GGNBP2: variants seen among roughly 807,000 people sequenced by gnomAD.
GGNBP2 encodes the protein gametogenetin-binding protein 2.
Under a neutral mutation model 85.9 loss-of-function variants are expected in GGNBP2, and 10 were observed. The observed-to-expected ratio is 0.12, with a 90% CI of 0.07 to 0.20. The LOEUF (loss-of-function observed/expected upper bound fraction) is 0.20, where lower values mean the gene tolerates loss of function less well. Among genes scored for constraint, GGNBP2 ranks in the 10% least tolerant of loss-of-function variants. The pLI, the probability that GGNBP2 is intolerant of heterozygous loss-of-function variation, is 1.00. For synonymous variants in GGNBP2, 287 were observed against 285.7 expected, an observed-to-expected ratio of 1.00 and a Z score of -0.05; for missense variants, 595 against 857.8, an observed-to-expected ratio of 0.69 and a Z score of 3.83.
intron 2 of GGNBP2, among the ~76,000 whole-genome samples, chr17:36,552,281 T>C (rs2074317131): frequency 6.6e-6 from 1 of 152,246 alleles, no homozygotes. Flanking sequence ...TATGAGTTAA[T>C]TGAACTATTA....
intron 13 of GGNBP2, among the ~76,000 whole-genome samples, chr17:36,588,546 G>A (rs764650132): frequency 1.3e-5 from 2 of 151,536 alleles, no homozygotes; most frequent in Non-Finnish European, 2.9e-5. Flanking sequence ...GTGAGCCACC[G>A]CGCCCAGCTA....
chr17:36,558,820 G>A (rs1185209160), intron 4 of GGNBP2, among the ~76,000 whole-genome samples: 2 of 151,950 alleles, frequency 1.3e-5, no homozygotes. Flanking sequence ...GCAGAAGAGT[G>A]GCATAGTCTG....
At chr17:36,564,777 C>G (rs1314363754) in intron 5 of GGNBP2, among the ~76,000 whole-genome samples, 1 of 151,850 alleles carries the variant, frequency 6.6e-6, no homozygotes, top group African/African-American at 2.4e-5. Flanking sequence ...CCCCCCATAG[C>G]TTTTTTAATT....
chr17:36,555,029 C>T (rs2074348927), intron 3 of GGNBP2, 129 bp downstream of exon 3: 1 of 600,052 alleles, frequency 1.7e-6, no homozygotes, highest in African/African-American at 1.9e-5. Context: ...GCTCTTTCAC[C>T]ATTGCTATAG....
chr17:36,556,725 TA>T (rs1026830311), intron 3 of GGNBP2, among the ~76,000 whole-genome samples: 40 of 133,072 alleles, frequency 3.0e-4, no homozygotes, highest in African/African-American at 1.1e-3. Flanking sequence ...CAAACAAACT[TA>T]AAAAAAAGGT....
intron 6 of GGNBP2, among the ~76,000 whole-genome samples, chr17:36,571,991 C>T (rs1324879299): frequency 6.6e-6 from 1 of 151,930 alleles, no homozygotes; most frequent in Non-Finnish European, 1.5e-5. Flanking sequence ...TTGAAGGCTG[C>T]AGTGAGCCAT....
At chr17:36,587,410 C>T (rs1408334841) in intron 13 of GGNBP2, 165 bp downstream of exon 13, 11 of 755,020 alleles carry the variant, frequency 1.5e-5, no homozygotes, top group African/African-American at 3.5e-5. Context: ...TCCTTCCACT[C>T]GTGGTTTATG....
intron 8 of GGNBP2, among the ~76,000 whole-genome samples, chr17:36,580,653 C>G (rs915053869): frequency 1.3e-5 from 2 of 152,018 alleles, no homozygotes; most frequent in African/African-American, 4.8e-5. Flanking sequence ...GATATGGTGT[C>G]TCATGCCTGT....
intron 2 of GGNBP2, among the ~76,000 whole-genome samples, chr17:36,548,407 G>T (rs934748184): frequency 6.6e-6 from 1 of 151,746 alleles, no homozygotes; most frequent in African/African-American, 2.4e-5. Context: ...TGGAGGTCAG[G>T]AATTCAAGAC....
rs760391418 is a variant in GGNBP2 at position 36,579,407 on chromosome 17, C to A, written c.1008C>A (p.Arg336=). ...TCTATCTTGGTGTTGATGCTTTACG[C>A]AAGAGTTTTGAGGTAAGAACAGTGG... ...MLFYLGVDAL[R]KSFEMTVEKV... The change falls in exon 8 of 14, where the codon CGC becomes CGA. Residue 336 remains arginine (R), a synonymous_variant. Coordinates refer to ENST00000613102, the MANE Select transcript of GGNBP2 (RefSeq NM_024835.5). 1 of 1,614,002 alleles carries A rather than the reference C, an allele frequency of 6.2e-7. No homozygotes were observed. Among genetic ancestry groups the A allele is most frequent in the East Asian group, 2.2e-5 (1 of 44,874 alleles).
chr17:36,581,637 TGGGAGGCCCAGGG>T (rs2074651934), intron 9 of GGNBP2, 99 bp downstream of exon 9: 1 of 835,144 alleles, frequency 1.2e-6, no homozygotes, highest in East Asian at 2.8e-5. Context: ...CCCAGCACTT[TGGGAGGCCCAGGG>T]TGGAGGTATC....
At chr17:36,570,947 G>A (rs893849350) in intron 6 of GGNBP2, among the ~76,000 whole-genome samples, 36 of 152,032 alleles carry the variant, frequency 2.4e-4, no homozygotes, top group Non-Finnish European at 2.9e-5. Flanking sequence ...TGGAATCTGG[G>A]AGGCAGAGTT....
At position 36,584,573 on chromosome 17, in the gene GGNBP2, A is replaced by C. The variant is rs866700249; in HGVS notation, c.1216-727A>C. ...GGCTGGTTTTGAACTCCTGACCTCA[A>C]GTGATCCACCTGCTTCAGCTGCCCA... is the stretch of plus-strand genomic sequence containing the variant. On this transcript the variant is annotated intron_variant, in intron 9 of 13. Coordinates refer to ENST00000613102, the MANE Select transcript of GGNBP2 (RefSeq NM_024835.5). Among the ~76,000 whole-genome samples the C allele has an allele frequency of 3.9e-5, 6 of 152,288 alleles. 1 individual carries two copies. Among genetic ancestry groups the C allele is most frequent in the Middle Eastern group, 6.8e-3 (2 of 294 alleles).
intron 8 of GGNBP2, among the ~76,000 whole-genome samples, chr17:36,579,678 T>A (rs1244133939): frequency 6.6e-6 from 1 of 152,150 alleles, no homozygotes; most frequent in Non-Finnish European, 1.5e-5. Context: ...TTTCTCAGAG[T>A]AGAAAACTGA....
intron 6 of GGNBP2, among the ~76,000 whole-genome samples, chr17:36,573,590 C>G (rs1299478398): frequency 1.3e-5 from 2 of 152,162 alleles, no homozygotes; most frequent in Non-Finnish European, 2.9e-5. Context: ...TTTTGAAGAA[C>G]TTCCGTACCG....
At position 36,585,470 on chromosome 17, in the gene GGNBP2, T is replaced by G. The variant is rs916098144; in HGVS notation, c.1366+20T>G. On this transcript the variant is annotated intron_variant, in intron 10 of 13. Coordinates refer to ENST00000613102, the MANE Select transcript of GGNBP2 (RefSeq NM_024835.5). ...AGAAAGGTAAGTAAATAATTTCTTT[T>G]TAAAATGAACTCTTAACTCTATTCT... The G allele has an allele frequency of 6.5e-7, 1 of 1,530,242 alleles. No homozygotes were observed. The highest frequency in any genetic ancestry group is 8.9e-7 in the Non-Finnish European group (1 of 1,117,490). 94.8% of individuals were successfully genotyped at this position (1,530,242 alleles called of 1,614,324 possible).
intron 2 of GGNBP2, among the ~76,000 whole-genome samples, chr17:36,554,502 G>A (rs1378756427): frequency 6.6e-6 from 1 of 151,394 alleles, no homozygotes; most frequent in Non-Finnish European, 1.5e-5. Flanking sequence ...CAAGTAGCTA[G>A]GATTACAGGC....
At chr17:36,587,881 G>C (rs1036172546) in intron 13 of GGNBP2, among the ~76,000 whole-genome samples, 1 of 151,588 alleles carries the variant, frequency 6.6e-6, no homozygotes, top group African/African-American at 2.4e-5. Context: ...GTGAGACTTT[G>C]TCTCAAAAAA....
At chr17:36,554,971 TATTA>T (rs138223976) in intron 3 of GGNBP2, 71 bp downstream of exon 3, 21 of 915,784 alleles carry the variant, frequency 2.3e-5, no homozygotes, top group African/African-American at 1.7e-4. Context: ...AATTTAGCTG[TATTA>T]ATTTTATATA....
Sources: gnomAD v4.1 joint callset for allele counts (sites outside exome capture counted in the v4.1 genomes callset) on GRCh38, gnomAD v4.1.1 for gene constraint, MANE v1.5 for transcripts, NCBI Gene and HGNC (gene_info 2026-07-23, HGNC 2026-07-21) for gene names.